MYO10: variants seen among roughly 807,000 people sequenced by gnomAD.
The protein encoded by MYO10 is unconventional myosin-X.
Under a neutral mutation model 257.3 loss-of-function variants are expected in MYO10, and 133 were observed. The ratio of observed to expected loss-of-function variants is 0.52; its 90% CI spans 0.45 to 0.60. The LOEUF (loss-of-function observed/expected upper bound fraction) is 0.60. Among genes scored for constraint, MYO10 ranks in the 20% least tolerant of loss-of-function variants. MYO10 has a pLI of 0.00. For synonymous variants in MYO10, 1,104 were observed against 1,028.6 expected, an observed-to-expected ratio of 1.07 and a Z score of -1.40; for missense variants, 2,399 against 2,635.7, an observed-to-expected ratio of 0.91 and a Z score of 1.97.
At chr5:16,696,488 T>G (rs553209639) in intron 26 of MYO10, among the ~76,000 whole-genome samples, 2 of 152,222 alleles carry the variant, frequency 1.3e-5, no homozygotes, top group South Asian at 4.1e-4. Context: ...TTAACTTCTT[T>G]GACCCTGATT....
At chr5:16,717,736 C>A (rs997616397) in intron 19 of MYO10, among the ~76,000 whole-genome samples, 2 of 44,330 alleles carry the variant, frequency 4.5e-5, no homozygotes, top group African/African-American at 1.4e-4. Flanking sequence ...GTTCTTTGAC[C>A]CACGGGGATT....
intron 2 of MYO10, among the ~76,000 whole-genome samples, chr5:16,848,726 G>T (rs575556903): frequency 1.3e-5 from 2 of 152,162 alleles, no homozygotes; most frequent in African/African-American, 4.8e-5. Context: ...CAAGAGGCTA[G>T]TTTGTCTACA....
chr5:16,866,929 C>CTGG (rs1744268009), intron 2 of MYO10, among the ~76,000 whole-genome samples: 1 of 152,224 alleles, frequency 6.6e-6, no homozygotes, highest in Non-Finnish European at 1.5e-5. Context: ...TCCCGGACCC[C>CTGG]AGGTGGTCCC....
chr5:16,715,595 C>T (rs1326558715), intron 19 of MYO10, among the ~76,000 whole-genome samples: 3 of 123,416 alleles, frequency 2.4e-5, no homozygotes, highest in Non-Finnish European at 1.8e-5. Context: ...CCACCTCACC[C>T]AGCCTGGGGG....
intron 26 of MYO10, among the ~76,000 whole-genome samples, chr5:16,695,278 G>A (rs1439789237): frequency 6.6e-6 from 1 of 152,168 alleles, no homozygotes; most frequent in South Asian, 2.1e-4. Context: ...AGGTTGCAGT[G>A]AGCAGAGATT....
At chr5:16,767,049 G>C (rs1274498772) in intron 10 of MYO10, among the ~76,000 whole-genome samples, 2 of 151,786 alleles carry the variant, frequency 1.3e-5, no homozygotes, top group African/African-American at 4.8e-5. Context: ...ATAACACTAA[G>C]ATGTTATCTG....
At chr5:16,818,391 T>C (rs1287467533) in intron 2 of MYO10, among the ~76,000 whole-genome samples, 54 of 105,634 alleles carry the variant, frequency 5.1e-4, no homozygotes, top group Non-Finnish European at 8.0e-4. Context: ...CGTGTGTGTG[T>C]GTGTGTGTGT....
intron 2 of MYO10, among the ~76,000 whole-genome samples, chr5:16,862,591 C>T (rs973682443): frequency 6.6e-6 from 1 of 152,096 alleles, no homozygotes; most frequent in East Asian, 1.9e-4. Flanking sequence ...ACAACAAAAG[C>T]ATAGTATTTA....
chr5:16,732,235 G>A (rs556061534), intron 19 of MYO10, among the ~76,000 whole-genome samples: 14 of 151,892 alleles, frequency 9.2e-5, no homozygotes, highest in Admixed American at 3.3e-4. Context: ...AAGGAAGGAG[G>A]GCAGGAGGGA....
At chr5:16,685,452 TC>T (rs1310735169) in intron 29 of MYO10, among the ~76,000 whole-genome samples, 1 of 152,086 alleles carries the variant, frequency 6.6e-6, no homozygotes, top group East Asian at 1.9e-4. Flanking sequence ...CCTCAAATGA[TC>T]CTCCCACCTC....
Position 16,763,748 on chromosome 5 carries a change from T to C in MYO10, c.1334A>G (p.His445Arg). ...IFGFENFEVN[H>R]FEQFNINYAN... ...ATAGTTTATATTGAACTGTTCAAAGTGATTAACCTAAGGGGGGAAAGCATT... is the reference window on the plus strand; with the variant it reads ...ATAGTTTATATTGAACTGTTCAAAGCGATTAACCTAAGGGGGGAAAGCATT... Residue 445 changes from histidine (H) to arginine (R), a missense_variant, in exon 13 of 41, where the codon CAC becomes CGC. Physicochemically the swap from His to Arg is conservative, Grantham distance 29 (BLOSUM62 0). Transcript: ENST00000513610. 6.3e-7 allele frequency: 1 copy of C among 1,579,952 alleles called. No homozygotes were observed. The highest frequency in any genetic ancestry group is 8.7e-7 in the Non-Finnish European group (1 of 1,151,672).
chr5:16,907,807 A>T (rs1029007234), intron 1 of MYO10, among the ~76,000 whole-genome samples: 1 of 152,248 alleles, frequency 6.6e-6, no homozygotes. Context: ...GAAGGCAATG[A>T]GGGTGGGTAA....
intron 19 of MYO10, among the ~76,000 whole-genome samples, chr5:16,747,199 C>G (rs1423066977): frequency 6.6e-6 from 1 of 152,098 alleles, no homozygotes; most frequent in Non-Finnish European, 1.5e-5. Flanking sequence ...GGCGAAGGAG[C>G]ATGTCAGCAT....
In MYO10 at chr5:16,769,097, C is replaced by T. The variant is rs1455930567; in HGVS notation, c.1037G>A (p.Gly346Glu). 6.2e-7 allele frequency: 1 copy of T among 1,611,334 alleles called. No individual in the cohort carries two copies. Among genetic ancestry groups the T allele is most frequent in the Non-Finnish European group, 8.5e-7 (1 of 1,179,038 alleles). Residue 346 changes from glycine (G) to glutamate (E), a missense_variant, in exon 10 of 41, where the codon GGG (glycine) becomes GAG (glutamate). By Grantham distance (98) the Gly-to-Glu change is moderately conservative. This residue lies in a region of MYO10 where 337 missense variants were observed against 446.8 expected (regional missense o/e 0.75). Coordinates refer to ENST00000513610, the MANE Select transcript of MYO10 (RefSeq NM_012334.3). ...LGNIEFITAG[G>E]AQVSFKTALG... ...ACCTGTTTTGAAGGAAACCTGTGCC[C>T]CACCAGCAGTGATAAATTCTATGTT...
chr5:16,828,566 G>A lies in MYO10; in HGVS notation c.121-10399C>T, dbSNP rs370106644. 5.6e-4 allele frequency among the ~76,000 whole-genome samples: 83 copies of A among 149,288 alleles called. 2 individuals are homozygous for A. In the South Asian group the frequency reaches 0.015, roughly 27 times the overall value. On this transcript the variant is annotated intron_variant, in intron 2 of 40. Transcript: ENST00000513610. ...ACCGAGGAGGTGCAGGTTGCAGTGA[G>A]CTGAGATTGCGCCACTGCACTCCAG...
intron 2 of MYO10, among the ~76,000 whole-genome samples, chr5:16,851,346 A>C (rs989228013): frequency 3.3e-5 from 5 of 152,146 alleles, no homozygotes; most frequent in African/African-American, 9.7e-5. Context: ...TTGGTTTTAT[A>C]CTGGAAAGTA....
At chr5:16,774,199 G>A (rs958963737) in intron 9 of MYO10, among the ~76,000 whole-genome samples, 1 of 152,138 alleles carries the variant, frequency 6.6e-6, no homozygotes, top group Non-Finnish European at 1.5e-5. Context: ...TTGGGGGATG[G>A]TGGCGAATAC....
chr5:16,803,271 T>A (rs1005883114), intron 3 of MYO10, among the ~76,000 whole-genome samples: 2 of 150,186 alleles, frequency 1.3e-5, no homozygotes. Context: ...AAAAAATACA[T>A]TAAAAAGTTA....
chr5:16,710,243 G>A (rs1738536020), intron 21 of MYO10, among the ~76,000 whole-genome samples: 1 of 152,130 alleles, frequency 6.6e-6, no homozygotes, highest in African/African-American at 2.4e-5. Context: ...TTGAAGGTGG[G>A]TGGGGAATGA....
Sources: allele counts gnomAD v4.1 joint callset (sites outside exome capture counted in the v4.1 genomes callset), GRCh38; gene constraint gnomAD v4.1.1; regional missense constraint gnomAD v4.1.1; transcripts MANE v1.5; gene names NCBI Gene and HGNC (gene_info 2026-07-23, HGNC 2026-07-21).